Variants in RIMS2 observed in about 807,000 individuals in gnomAD.
RIMS2 encodes the protein regulating synaptic membrane exocytosis protein 2.
In RIMS2, 59 loss-of-function variants were observed where a neutral mutation model predicts 174.4. The observed-to-expected ratio is 0.34, with a 90% CI of 0.27 to 0.42. The LOEUF (loss-of-function observed/expected upper bound fraction) is 0.42, where lower values mean the gene tolerates loss of function less well. Ranked by LOEUF, RIMS2 falls within the 10% of genes least tolerant of loss-of-function variation. The pLI is 1.00. For missense variants in RIMS2, 1,620 were observed against 1,666.3 expected, an observed-to-expected ratio of 0.97 and a Z score of 0.48; for synonymous variants, 606 against 572.5, an observed-to-expected ratio of 1.06 and a Z score of -0.84.
At chr8:103,618,293 G>A (rs920596374) in intron 1 of RIMS2, among the ~76,000 whole-genome samples, 4 of 152,048 alleles carry the variant, frequency 2.6e-5, no homozygotes, top group South Asian at 4.1e-4. Flanking sequence ...ACACAAAGAA[G>A]GAAACAACAA....
chr8:103,564,773 C>A (rs775431780), intron 1 of RIMS2, among the ~76,000 whole-genome samples: 4 of 152,184 alleles, frequency 2.6e-5, no homozygotes, highest in Non-Finnish European at 4.4e-5. Flanking sequence ...GTCTCCCTCT[C>A]CCAGTCCACT....
chr8:104,204,710 C>T (rs965701569), intron 19 of RIMS2, among the ~76,000 whole-genome samples: 2 of 152,088 alleles, frequency 1.3e-5, no homozygotes, highest in African/African-American at 4.8e-5. Flanking sequence ...AAGAGAGAAG[C>T]TATGACAAAG....
At chr8:104,193,165 T>C (rs1434273530) in intron 19 of RIMS2, among the ~76,000 whole-genome samples, 1 of 152,286 alleles carries the variant, frequency 6.6e-6, no homozygotes, top group South Asian at 2.1e-4. Flanking sequence ...AGTGTGTGTA[T>C]GTGCTCTTGT....
intron 3 of RIMS2, among the ~76,000 whole-genome samples, chr8:103,845,714 C>T (rs1036933072): frequency 6.6e-6 from 1 of 152,026 alleles, no homozygotes; most frequent in Non-Finnish European, 1.5e-5. Flanking sequence ...ACTCTAGGAA[C>T]TTAGCTTATG....
intron 19 of RIMS2, among the ~76,000 whole-genome samples, chr8:104,173,367 G>A (rs1313024185): frequency 2.0e-5 from 3 of 152,206 alleles, no homozygotes; most frequent in Non-Finnish European, 4.4e-5. Context: ...TAGGCAGTTA[G>A]GATGTGCTGC....
intron 19 of RIMS2, among the ~76,000 whole-genome samples, chr8:104,127,898 A>G (rs1247943390): frequency 6.6e-6 from 1 of 152,226 alleles, no homozygotes; most frequent in Non-Finnish European, 1.5e-5. Flanking sequence ...GACTCTGCCC[A>G]AAAGCAGCAT....
At chr8:103,563,307 A>G (rs182722503) in intron 1 of RIMS2, among the ~76,000 whole-genome samples, 2 of 152,308 alleles carry the variant, frequency 1.3e-5, no homozygotes, top group African/African-American at 4.8e-5. Flanking sequence ...CCCAAGTCAC[A>G]TCTTGAATGT....
chr8:103,859,928 C>T (rs1201817662), intron 3 of RIMS2, among the ~76,000 whole-genome samples: 1 of 152,054 alleles, frequency 6.6e-6, no homozygotes, highest in Non-Finnish European at 1.5e-5. Context: ...AGTGGACAGA[C>T]TCTATCACTT....
intron 3 of RIMS2, among the ~76,000 whole-genome samples, chr8:103,803,445 T>A (rs940153311): frequency 7.2e-5 from 11 of 152,144 alleles, no homozygotes; most frequent in African/African-American, 2.7e-4. Flanking sequence ...ATTATATTTA[T>A]TACTATTTAC....
In RIMS2 at chr8:103,939,443, AC is replaced by A. The variant is rs200976736; in HGVS notation, c.2547+2722del. 8.7e-3 allele frequency among the ~76,000 whole-genome samples: 1,323 copies of A among 152,258 alleles called. 20 individuals carry two copies. The highest frequency in any genetic ancestry group is 0.03 in the African/African-American group (1,247 of 41,554). The stretch of plus-strand genomic sequence containing the variant: ...TCACCAAGTCCCTATACTTGGTGTC[AC>A]AGCACAGGGACCGTGGGGCCAGCCC... On this transcript the variant is annotated intron_variant, in intron 13 of 23. Coordinates refer to ENST00000504942, the Ensembl canonical transcript of RIMS2.
chr8:103,989,901 G>T (rs2094577236), intron 17 of RIMS2, among the ~76,000 whole-genome samples: 1 of 152,096 alleles, frequency 6.6e-6, no homozygotes. Context: ...TCATGAAGAG[G>T]TTTTTCCTCA....
chr8:103,951,327 C>G (rs1279378337), intron 14 of RIMS2, among the ~76,000 whole-genome samples: 1 of 152,146 alleles, frequency 6.6e-6, no homozygotes, highest in Non-Finnish European at 1.5e-5. Context: ...GGCAAGATGA[C>G]CGAATAGGAA....
intron 1 of RIMS2, among the ~76,000 whole-genome samples, chr8:103,609,455 C>T (rs1185289455): frequency 1.4e-5 from 2 of 143,230 alleles, no homozygotes; most frequent in African/African-American, 5.2e-5. Context: ...AATGGTCTTT[C>T]CTAGACTATC....
intron 3 of RIMS2, among the ~76,000 whole-genome samples, chr8:103,769,874 C>A (rs2098230389): frequency 1.3e-5 from 2 of 152,218 alleles, no homozygotes; most frequent in South Asian, 2.1e-4. Flanking sequence ...CTTACAAATG[C>A]CCAACCAATA....
chr8:103,603,141 TC>T (rs950649182), intron 1 of RIMS2, among the ~76,000 whole-genome samples: 2 of 89,194 alleles, frequency 2.2e-5, no homozygotes, highest in African/African-American at 8.9e-5. Context: ...GTGCTATCCC[TC>T]CCCCCTCCCC....
chr8:104,218,957 C>T (rs906118286), intron 19 of RIMS2, among the ~76,000 whole-genome samples: 2 of 152,184 alleles, frequency 1.3e-5, no homozygotes, highest in African/African-American at 4.8e-5. Context: ...GATAGAGCTA[C>T]TTCATGTAAC....
intron 1 of RIMS2, among the ~76,000 whole-genome samples, chr8:103,606,619 T>G (rs1390359544): frequency 4.6e-5 from 7 of 152,168 alleles, no homozygotes; most frequent in Non-Finnish European, 7.3e-5. Flanking sequence ...TCTCCCATTA[T>G]TAATGTGTGG....
intron 19 of RIMS2, among the ~76,000 whole-genome samples, chr8:104,019,888 AT>A (rs1457165022): frequency 6.6e-6 from 1 of 152,112 alleles, no homozygotes; most frequent in Non-Finnish European, 1.5e-5. Context: ...CATTAAAGTC[AT>A]TTTTTAAGGT....
At chr8:103,554,505 A>G (rs1402340220) in intron 1 of RIMS2, among the ~76,000 whole-genome samples, 1 of 152,170 alleles carries the variant, frequency 6.6e-6, no homozygotes, top group Non-Finnish European at 1.5e-5. Flanking sequence ...CACCAGTCAG[A>G]ATAGCTATTA....
Sources: allele counts gnomAD v4.1 joint callset (sites outside exome capture counted in the v4.1 genomes callset), GRCh38; gene constraint gnomAD v4.1.1; transcripts MANE v1.5; gene names NCBI Gene and HGNC (gene_info 2026-07-23, HGNC 2026-07-21).